The following ATP8A2 variants were observed in gnomAD, a reference collection of about 807,000 sequenced individuals.
The protein encoded by ATP8A2 is ATPase phospholipid transporting 8A2, also known as phospholipid-transporting ATPase IB.
In ATP8A2, 100 loss-of-function variants were observed where a neutral mutation model predicts 165.6. The observed-to-expected ratio is 0.60, with a 90% CI of 0.51 to 0.71. The LOEUF is 0.71. ATP8A2 is among the 30% of genes least tolerant of loss of function. The pLI is 0.00. For missense variants in ATP8A2, 1,227 were observed against 1,479.5 expected (o/e 0.83, Z 2.80); for synonymous variants, 543 against 548.8 (o/e 0.99, Z 0.15).
intron 1 of ATP8A2, among the ~76,000 whole-genome samples, chr13:25,415,355 C>T (rs2034101795): frequency 6.6e-6 from 1 of 152,144 alleles, no homozygotes; most frequent in Non-Finnish European, 1.5e-5. Context: ...CCCAGTAGAA[C>T]CACTTCCCAC....
intron 33 of ATP8A2, among the ~76,000 whole-genome samples, chr13:25,870,477 C>T (rs984141650): frequency 3.9e-5 from 6 of 152,216 alleles, no homozygotes; most frequent in Admixed American, 3.9e-4. Flanking sequence ...CTTCCCAGCA[C>T]TTCCCTTCCA....
intron 33 of ATP8A2, among the ~76,000 whole-genome samples, chr13:25,946,360 T>C (rs1022038128): frequency 2.0e-5 from 3 of 152,144 alleles, no homozygotes; most frequent in African/African-American, 7.2e-5. Flanking sequence ...ATCCACTGCA[T>C]GGAAGGCAAA....
intron 24 of ATP8A2, among the ~76,000 whole-genome samples, chr13:25,591,008 C>G (rs2040058488): frequency 1.3e-5 from 2 of 152,054 alleles, no homozygotes; most frequent in Non-Finnish European, 2.9e-5. Context: ...CAGGTCATAC[C>G]TCATCTCCTG....
At chr13:25,756,327 C>CTTTTTTTTT (rs11379467) in intron 25 of ATP8A2, among the ~76,000 whole-genome samples, 2 of 137,184 alleles carry the variant, frequency 1.5e-5, no homozygotes, top group African/African-American at 2.7e-5. Flanking sequence ...CTGTTGGATT[C>CTTTTTTTTT]TTTTTTTTTT....
At chr13:25,923,851 C>T (rs1954527216) in intron 33 of ATP8A2, among the ~76,000 whole-genome samples, 1 of 152,094 alleles carries the variant, frequency 6.6e-6, no homozygotes, top group Non-Finnish European at 1.5e-5. Context: ...CTAAGATTGC[C>T]ACATAGGTAG....
chr13:25,686,539 G>T (rs1449867527), intron 24 of ATP8A2, among the ~76,000 whole-genome samples: 3 of 152,130 alleles, frequency 2.0e-5, no homozygotes, highest in Non-Finnish European at 4.4e-5. Flanking sequence ...AAGTTCAGTG[G>T]GAACATGGGC....
At chr13:25,679,934 T>TG (rs2042449730) in intron 24 of ATP8A2, among the ~76,000 whole-genome samples, 1 of 152,134 alleles carries the variant, frequency 6.6e-6, no homozygotes. Context: ...TCAAGGTAGT[T>TG]GGAGAGGTGG....
At chr13:25,396,738 C>G (rs2033438832) in intron 1 of ATP8A2, among the ~76,000 whole-genome samples, 1 of 152,202 alleles carries the variant, frequency 6.6e-6, no homozygotes, top group Non-Finnish European at 1.5e-5. Flanking sequence ...GGGCGAGCGC[C>G]TGCCACTAGC....
At chr13:25,627,101 T>A (rs912312914) in intron 24 of ATP8A2, among the ~76,000 whole-genome samples, 1 of 151,694 alleles carries the variant, frequency 6.6e-6, no homozygotes, top group Non-Finnish European at 1.5e-5. Flanking sequence ...GTAAACAGAG[T>A]CCTCAGTGAG....
At chr13:25,702,871 T>C (rs2042979692) in intron 25 of ATP8A2, among the ~76,000 whole-genome samples, 1 of 152,150 alleles carries the variant, frequency 6.6e-6, no homozygotes, top group Admixed American at 6.6e-5. Flanking sequence ...CTCTTCTCCT[T>C]AAGTTATCTG....
At chr13:25,391,639 A>G (rs2033251437) in intron 1 of ATP8A2, among the ~76,000 whole-genome samples, 1 of 152,238 alleles carries the variant, frequency 6.6e-6, no homozygotes, top group African/African-American at 2.4e-5. Flanking sequence ...CAGTGCCTTG[A>G]ATATCATAAG....
intron 24 of ATP8A2, among the ~76,000 whole-genome samples, chr13:25,668,705 G>T (rs1420156638): frequency 1.3e-5 from 2 of 152,032 alleles, no homozygotes; most frequent in Admixed American, 1.3e-4. Context: ...CTAAGGCTCT[G>T]CTTATTTTTC....
At chr13:25,655,173 T>A (rs2041900811) in intron 24 of ATP8A2, among the ~76,000 whole-genome samples, 1 of 152,222 alleles carries the variant, frequency 6.6e-6, no homozygotes, top group African/African-American at 2.4e-5. Context: ...TTTTTTCTTT[T>A]CTTTCAAGAC....
chr13:25,804,458 T>C (rs1402444107), intron 27 of ATP8A2, among the ~76,000 whole-genome samples: 2 of 152,234 alleles, frequency 1.3e-5, no homozygotes, highest in Non-Finnish European at 2.9e-5. Context: ...CAATTTTATA[T>C]AATGAGTTTT....
intron 33 of ATP8A2, among the ~76,000 whole-genome samples, chr13:25,947,138 C>T (rs1461779667): frequency 6.6e-6 from 1 of 152,136 alleles, no homozygotes; most frequent in Non-Finnish European, 1.5e-5. Flanking sequence ...GATCATATGG[C>T]TTGACATAAG....
At chr13:25,512,758 G>A (rs1438645201) in intron 2 of ATP8A2, among the ~76,000 whole-genome samples, 3 of 145,216 alleles carry the variant, frequency 2.1e-5, no homozygotes, top group Non-Finnish European at 4.6e-5. Flanking sequence ...CTCCCTCCCG[G>A]ATGGGGCGGC....
intron 25 of ATP8A2, among the ~76,000 whole-genome samples, chr13:25,753,112 A>G (rs2044188524): frequency 1.3e-5 from 2 of 152,180 alleles, no homozygotes; most frequent in African/African-American, 4.8e-5. Context: ...GAAGGGACAG[A>G]CAGGGCAGAG....
chr13:25,732,843 G>A (rs1375049193), intron 25 of ATP8A2, among the ~76,000 whole-genome samples: 1 of 152,064 alleles, frequency 6.6e-6, no homozygotes, highest in Non-Finnish European at 1.5e-5. Context: ...TGTCCCACAG[G>A]TGTGAATAAA....
At chr13:25,643,804 A>G (rs1368889457) in intron 24 of ATP8A2, among the ~76,000 whole-genome samples, 1 of 151,510 alleles carries the variant, frequency 6.6e-6, no homozygotes, top group African/African-American at 2.4e-5. Flanking sequence ...AATGACTTTG[A>G]AATCTTGATA....
Sources: gnomAD v4.1 joint callset for allele counts (sites outside exome capture counted in the v4.1 genomes callset) on GRCh38, gnomAD v4.1.1 for gene constraint, MANE v1.5 for transcripts, NCBI Gene and HGNC (gene_info 2026-07-23, HGNC 2026-07-21) for gene names.